Variants in NINJ2 observed in about 807,000 individuals in gnomAD.
NINJ2 encodes the protein ninjurin 2, also known as ninjurin-2.
A neutral mutation model predicts 11.7 loss-of-function variants in NINJ2; 12 were observed. The observed-to-expected ratio is 1.02, with a 90% CI of 0.66 to 1.66. NINJ2 has a LOEUF of 1.66. Among genes scored for constraint, NINJ2 ranks in the 40% most tolerant of loss-of-function variants. The probability of loss-of-function intolerance (pLI) is 0.00; values close to 1 mark genes in which losing one functional copy is unlikely to be tolerated. For missense variants in NINJ2, 187 were observed against 181.8 expected, an observed-to-expected ratio of 1.03 and a Z score of -0.16; for synonymous variants, 93 against 76.8, an observed-to-expected ratio of 1.21 and a Z score of -1.10.
intron 1 of NINJ2, among the ~76,000 whole-genome samples, chr12:616,777 C>T (rs996417054): frequency 1.3e-5 from 2 of 152,244 alleles, no homozygotes; most frequent in Non-Finnish European, 2.9e-5. Context: ...CACCTTTCTA[C>T]ACAATAGCAT....
intron 1 of NINJ2, among the ~76,000 whole-genome samples, chr12:577,431 A>ATG (rs1947478912): frequency 7.5e-6 from 1 of 134,228 alleles, no homozygotes; most frequent in African/African-American, 2.9e-5. Context: ...ATATATATAC[A>ATG]TATATATATA....
chr12:652,773 C>G (rs376628754), intron 1 of NINJ2, among the ~76,000 whole-genome samples: 1 of 151,524 alleles, frequency 6.6e-6, no homozygotes, highest in East Asian at 2.0e-4. Flanking sequence ...TATAGTGAAA[C>G]CCCATGTCTA....
At chr12:571,359 G>T (rs771165280) in intron 1 of NINJ2, among the ~76,000 whole-genome samples, 2 of 152,242 alleles carry the variant, frequency 1.3e-5, no homozygotes, top group Non-Finnish European at 2.9e-5. Context: ...GAGGCAGGGG[G>T]GTGGGGGACA....
At chr12:569,282 G>A (rs892468594) in intron 1 of NINJ2, among the ~76,000 whole-genome samples, 1 of 152,236 alleles carries the variant, frequency 6.6e-6, no homozygotes, top group Non-Finnish European at 1.5e-5. Context: ...AAAGGCCCAT[G>A]GTCGCCGTCA....
At position 591,710 on chromosome 12, in the gene NINJ2, T is replaced by C. The variant is rs1007946758; in HGVS notation, c.34-25532A>G. 2.6e-5 allele frequency among the ~76,000 whole-genome samples: 4 copies of C among 152,194 alleles called. No homozygotes were observed. The highest frequency in any genetic ancestry group is 9.6e-5 in the African/African-American group (4 of 41,464). ...AGTCTGGCTTCTCGCCCCAGGTCCC[T>C]TGGGCACGTCTTATCTTATCGTGCA... On this transcript the variant is annotated intron_variant, in intron 1 of 3. Coordinates refer to ENST00000305108, the MANE Select transcript of NINJ2 (RefSeq NM_016533.6). This position sits in a 1 kb window ranked among gnomAD's most constrained non-coding sequence, Gnocchi z 5.0.
intron 1 of NINJ2, among the ~76,000 whole-genome samples, chr12:579,644 C>T (rs145948014): frequency 6.6e-6 from 1 of 152,300 alleles, no homozygotes; most frequent in African/African-American, 2.4e-5. Context: ...CCCCCACTCC[C>T]TCTTGTCACA....
intron 1 of NINJ2, among the ~76,000 whole-genome samples, chr12:654,049 G>A (rs113678923): frequency 6.6e-6 from 1 of 152,130 alleles, no homozygotes; most frequent in Non-Finnish European, 1.5e-5. Flanking sequence ...TAAGAAAATA[G>A]CTGGGTGTGG....
chr12:566,154 G>A lies in NINJ2; in HGVS notation c.58C>T (p.Gln20Ter). 6.2e-7 allele frequency: 1 copy of A among 1,613,926 alleles called. No individual in the cohort carries two copies. The highest frequency in any genetic ancestry group is 8.5e-7 in the Non-Finnish European group (1 of 1,179,842). ...LQPGSSDPRSQPINLNHYATK... is the reference protein window; with the variant it reads ...LQPGSSDPRS ...GCGTAATGGTTCAGGTTGATGGGCT[G>A]GCTCCTGGGGTCGGAGCTTCCAGGC... Residue 20 changes from glutamine to a stop codon, truncating the protein, a stop_gained, in exon 2 of 4, where the codon CAG becomes TAG. Coordinates refer to ENST00000305108, the MANE Select transcript of NINJ2 (RefSeq NM_016533.6). LOFTEE classifies it high-confidence loss of function.
rs1158648009 is a variant in NINJ2, at chr12:581,090, CATGT to C, written c.34-14916_34-14913del. On this transcript the variant is annotated intron_variant, in intron 1 of 3. Coordinates refer to ENST00000305108, the MANE Select transcript of NINJ2 (RefSeq NM_016533.6). The surrounding 1 kb of genome is among the most constrained non-coding windows in gnomAD (Gnocchi z 4.9). ...GTCTCTGTGCCTCTGTGTGTGTGTG[CATGT>C]GTCTCTGTGTGTCTGTGTCTGTGTG... Among the ~76,000 whole-genome samples the C allele has an allele frequency of 7.8e-6, 1 of 128,264 alleles. No individual in the cohort carries two copies. The highest frequency in any genetic ancestry group is 1.7e-5 in the Non-Finnish European group (1 of 60,542). The allele number at this position is 128,264 out of a possible 152,430, so 84.1% of individuals were successfully genotyped here. A position where few individuals can be genotyped will look rare whatever the true frequency, so the allele number is the denominator to read the frequency against.
intron 1 of NINJ2, among the ~76,000 whole-genome samples, chr12:584,314 C>A (rs1341884046): frequency 6.6e-6 from 1 of 151,796 alleles, no homozygotes; most frequent in Non-Finnish European, 1.5e-5. Context: ...CTGAGGTGGG[C>A]AAATCACTTG....
In NINJ2 at chr12:565,374, T is replaced by C. The variant is rs147864700; in HGVS notation, c.290A>G (p.Lys97Arg). ...IARLNLNEVE[K>R]QWRLNQLNNA... Reference sequence around the variant, plus strand: ...GTTGAGCTGGTTGAGTCGCCACTGCTTTTCTACCTCATTCAGGTTCAGCCG... The same window carrying C: ...GTTGAGCTGGTTGAGTCGCCACTGCCTTTCTACCTCATTCAGGTTCAGCCG... Residue 97 changes from lysine to arginine, a missense_variant, in exon 3 of 4, where the codon AAG (lysine) becomes AGG (arginine). Coordinates refer to ENST00000305108, the MANE Select transcript of NINJ2 (RefSeq NM_016533.6). 3.1e-3 allele frequency: 4,943 copies of C among 1,614,126 alleles called. 225 individuals are homozygous for C. The Admixed American group carries it at 0.077, about 25-fold the overall frequency.
At chr12:639,691 A>G (rs1421209743) in intron 1 of NINJ2, among the ~76,000 whole-genome samples, 5 of 152,172 alleles carry the variant, frequency 3.3e-5, no homozygotes, top group African/African-American at 1.2e-4. Flanking sequence ...ACCATTTGCT[A>G]TGACTGTGTT....
intron 1 of NINJ2, among the ~76,000 whole-genome samples, chr12:620,882 G>A (rs964191813): frequency 6.6e-6 from 1 of 152,068 alleles, no homozygotes; most frequent in Admixed American, 6.6e-5. Flanking sequence ...CACCCACCTC[G>A]GCCTCCCAGA....
At position 647,694 on chromosome 12, in the gene NINJ2, C is replaced by T. The variant is rs118051564; in HGVS notation, c.33+15634G>A. Among the ~76,000 whole-genome samples, 906 of 152,262 alleles carry T rather than the reference C, an allele frequency of 6.0e-3. 3 individuals are homozygous for T. The highest frequency in any genetic ancestry group is 0.01 in the Middle Eastern group (3 of 294). The stretch of plus-strand genomic sequence containing the variant: ...TTTCTCCCATACATCAGTCACTTAA[C>T]GGATTTAAGTAAGACCTTAGTATGC... On this transcript the variant is annotated intron_variant, in intron 1 of 3. Coordinates refer to ENST00000305108, the MANE Select transcript of NINJ2 (RefSeq NM_016533.6).
Position 615,162 on chromosome 12 carries a change from T to C in NINJ2, c.33+48166A>G, listed in dbSNP as rs570004536. Among the ~76,000 whole-genome samples, 6 of 152,340 alleles carry C rather than the reference T, an allele frequency of 3.9e-5. No individual in the cohort carries two copies. In the South Asian group the frequency reaches 1.2e-3, roughly 32 times the overall value. On this transcript the variant is annotated intron_variant, in intron 1 of 3. Coordinates refer to ENST00000305108, the MANE Select transcript of NINJ2 (RefSeq NM_016533.6). ...AAATGAGTGACTCTCAAAGGAGATATGCACGCCCCATTAGGAAGCTACATC... is the reference window on the plus strand; with the variant it reads ...AAATGAGTGACTCTCAAAGGAGATACGCACGCCCCATTAGGAAGCTACATC...
rs758514461 is a variant in NINJ2, at chr12:663,390, C to A, written c.-30G>T. The A allele has an allele frequency of 6.2e-7, 1 of 1,614,022 alleles. No individual in the cohort carries two copies. Among genetic ancestry groups the A allele is most frequent in the Non-Finnish European group, 8.5e-7 (1 of 1,180,012 alleles). ...CTGCCCTCAAGTCCCTTCACACGCA[C>A]CGGGTGCCGGGAACAGACTGCGTGG... is the stretch of plus-strand genomic sequence containing the variant. On this transcript the variant is annotated 5_prime_UTR_variant, in exon 1 of 4. Coordinates refer to ENST00000305108, the MANE Select transcript of NINJ2 (RefSeq NM_016533.6).
intron 1 of NINJ2, among the ~76,000 whole-genome samples, chr12:627,881 G>A (rs1447587423): frequency 1.3e-5 from 2 of 152,258 alleles, no homozygotes; most frequent in East Asian, 1.9e-4. Context: ...GTTGCAGTGA[G>A]CTGAAATTGG....
chr12:602,045 T>C (rs935138191), intron 1 of NINJ2, among the ~76,000 whole-genome samples: 3 of 152,142 alleles, frequency 2.0e-5, no homozygotes, highest in African/African-American at 4.8e-5. Flanking sequence ...TAAGAACAGC[T>C]GTGTCACTTC....
intron 1 of NINJ2, chr12:643,552 TGTC>T: frequency 1.0e-6 from 1 of 987,888 alleles, no homozygotes; most frequent in Non-Finnish European, 1.2e-6. Context: ...CTGTGGGGCG[TGTC>T]GTCATTTTAG....
Sources: gnomAD v4.1 joint callset for allele counts (sites outside exome capture counted in the v4.1 genomes callset) on GRCh38, gnomAD v4.1.1 for gene constraint, Gnocchi (gnomAD v3.1) non-coding constraint, MANE v1.5 for transcripts, NCBI Gene and HGNC (gene_info 2026-07-23, HGNC 2026-07-21) for gene names.